C12orf42: variants seen among roughly 807,000 people sequenced by gnomAD.
The protein encoded by C12orf42 is uncharacterized protein C12orf42.
In C12orf42, 25 loss-of-function variants were observed where a neutral mutation model predicts 21.6. The observed-to-expected ratio is 1.16, with a 90% CI of 0.84 to 1.62. The LOEUF is 1.62. Among genes scored for constraint, C12orf42 ranks in the 40% most tolerant of loss-of-function variants. The probability of loss-of-function intolerance (pLI) is 0.00; values close to 1 mark genes in which losing one functional copy is unlikely to be tolerated. For missense variants in C12orf42, 483 were observed against 459.3 expected (o/e 1.05, Z -0.47); for synonymous variants, 174 against 175.0 (o/e 0.99, Z 0.05).
At chr12:103,415,091 AAAC>A (rs1230994042) in intron 2 of C12orf42, among the ~76,000 whole-genome samples, 1 of 152,142 alleles carries the variant, frequency 6.6e-6, no homozygotes, top group African/African-American at 2.4e-5. Flanking sequence ...TGAAAACAGA[AAAC>A]AACAACAAAA....
At chr12:103,196,008 A>G in the C12orf42 span, among the ~76,000 whole-genome samples, 1 of 152,146 alleles carries the variant, frequency 6.6e-6, no homozygotes. Flanking sequence ...GCACATAGCT[A>G]GCCAATTATT....
upstream of C12orf42, among the ~76,000 whole-genome samples, chr12:103,500,035 G>A (rs756354922): frequency 7.2e-5 from 11 of 152,148 alleles, no homozygotes; most frequent in South Asian, 2.1e-4. Flanking sequence ...CCTCTGGCAC[G>A]TCTAAGTTTG....
the C12orf42 span, among the ~76,000 whole-genome samples, chr12:103,534,443 T>C: frequency 6.6e-5 from 10 of 152,220 alleles, no homozygotes; most frequent in East Asian, 1.7e-3. Context: ...ACTTTCTGGG[T>C]ATGAGTCTAG....
At chr12:103,486,403 A>G (rs1002907058) in intron 1 of C12orf42, among the ~76,000 whole-genome samples, 5 of 152,090 alleles carry the variant, frequency 3.3e-5, no homozygotes, top group Non-Finnish European at 7.3e-5. Flanking sequence ...TTTTGCATCA[A>G]TGTCCATCAG....
chr12:103,095,777 G>A, the C12orf42 span, among the ~76,000 whole-genome samples: 10 of 152,314 alleles, frequency 6.6e-5, no homozygotes, highest in African/African-American at 2.4e-4. Context: ...AGTATTGAGT[G>A]AATAAATGCC....
intron 3 of C12orf42, among the ~76,000 whole-genome samples, chr12:103,379,435 T>G (rs770246466): frequency 6.6e-6 from 1 of 152,056 alleles, no homozygotes; most frequent in Non-Finnish European, 1.5e-5. Context: ...AACTATGTGC[T>G]CTAAGGTGTC....
chr12:103,383,390 C>T (rs569491983), intron 3 of C12orf42, among the ~76,000 whole-genome samples: 1 of 152,298 alleles, frequency 6.6e-6, no homozygotes, highest in East Asian at 1.9e-4. Flanking sequence ...AGGCTTGAGC[C>T]ACTGCGCCTG....
chr12:103,115,125 T>A, the C12orf42 span, among the ~76,000 whole-genome samples: 1 of 152,254 alleles, frequency 6.6e-6, no homozygotes, highest in South Asian at 2.1e-4. Flanking sequence ...ATAAAGTCTT[T>A]ATGTTAATCT....
chr12:103,492,812 G>C (rs561761535), intron 1 of C12orf42, among the ~76,000 whole-genome samples: 4 of 152,062 alleles, frequency 2.6e-5, no homozygotes, highest in African/African-American at 9.7e-5. Context: ...AAATTAACCC[G>C]TCGAATTATT....
At chr12:103,473,882 G>A (rs756688693) in intron 2 of C12orf42, among the ~76,000 whole-genome samples, 1 of 152,182 alleles carries the variant, frequency 6.6e-6, no homozygotes, top group Non-Finnish European at 1.5e-5. Context: ...TAGCACAGAG[G>A]ATGTGCATAA....
the C12orf42 span, among the ~76,000 whole-genome samples, chr12:103,545,526 T>C: frequency 1.5e-3 from 226 of 152,244 alleles, 1 homozygote; most frequent in African/African-American, 5.1e-3. Context: ...AAAAACTATT[T>C]AAGAGGGAAA....
At chr12:103,224,216 C>T in the C12orf42 span, among the ~76,000 whole-genome samples, 3 of 152,146 alleles carry the variant, frequency 2.0e-5, no homozygotes, top group Non-Finnish European at 4.4e-5. Flanking sequence ...CTGGGTGGGG[C>T]AAATCCTCGA....
At chr12:103,470,615 C>T (rs959057995) in intron 2 of C12orf42, among the ~76,000 whole-genome samples, 4 of 152,126 alleles carry the variant, frequency 2.6e-5, no homozygotes, top group Admixed American at 2.6e-4. Context: ...CTGCTTTGAC[C>T]AATAGAGTAT....
the C12orf42 span, among the ~76,000 whole-genome samples, chr12:103,505,820 C>T: frequency 6.6e-6 from 1 of 152,198 alleles, no homozygotes; most frequent in Non-Finnish European, 1.5e-5. Context: ...CACCATGTTA[C>T]AGGGGGTCAC....
At chr12:103,466,436 A>G (rs1409587070) in intron 2 of C12orf42, among the ~76,000 whole-genome samples, 1 of 152,090 alleles carries the variant, frequency 6.6e-6, no homozygotes, top group Non-Finnish European at 1.5e-5. Context: ...TCAGATTCAC[A>G]CCCTGGGTAA....
chr12:103,524,736 C>T, the C12orf42 span, among the ~76,000 whole-genome samples: 1 of 152,200 alleles, frequency 6.6e-6, no homozygotes, highest in African/African-American at 2.4e-5. Flanking sequence ...AGGTAGTTTT[C>T]TGAGGTCCAT....
At chr12:103,487,563 T>C (rs141527550) in intron 1 of C12orf42, among the ~76,000 whole-genome samples, 2 of 152,328 alleles carry the variant, frequency 1.3e-5, no homozygotes, top group Non-Finnish European at 1.5e-5. Flanking sequence ...GGTGTTAAAG[T>C]CTCCCATTAT....
the C12orf42 span, among the ~76,000 whole-genome samples, chr12:103,196,739 C>T: frequency 1.3e-5 from 2 of 151,880 alleles, no homozygotes; most frequent in South Asian, 4.2e-4. Context: ...ACAAGAATAG[C>T]GACCTCTACT....
At chr12:103,059,030 G>A in the C12orf42 span, among the ~76,000 whole-genome samples, 3,429 of 152,094 alleles carry the variant, frequency 0.023, 58 homozygotes, top group African/African-American at 0.044. Context: ...AAATCAGTGA[G>A]TCCAGGAGCT....
Sources: allele counts gnomAD v4.1 joint callset (sites outside exome capture counted in the v4.1 genomes callset), GRCh38; gene constraint gnomAD v4.1.1; transcripts MANE v1.5; gene names NCBI Gene and HGNC (gene_info 2026-07-23, HGNC 2026-07-21).